TUBGCP3: variants seen among roughly 807,000 people sequenced by gnomAD.
TUBGCP3 encodes the protein tubulin gamma complex component 3, also known as gamma-tubulin complex component 3.
Under a neutral mutation model 123.1 loss-of-function variants are expected in TUBGCP3, and 50 were observed. The ratio of observed to expected loss-of-function variants is 0.41; its 90% confidence interval spans 0.32 to 0.51. The LOEUF (loss-of-function observed/expected upper bound fraction) is 0.51, where lower values mean the gene tolerates loss of function less well. TUBGCP3 is among the 20% of genes least tolerant of loss of function. The pLI, the probability that TUBGCP3 is intolerant of heterozygous loss-of-function variation, is 0.36. For missense variants in TUBGCP3, 882 were observed against 1,127.0 expected (o/e 0.78, Z 3.11); for synonymous variants, 405 against 413.9 (o/e 0.98, Z 0.26).
chr13:112,591,625 T>C (rs535729555), upstream of TUBGCP3, among the ~76,000 whole-genome samples: 1 of 151,564 alleles, frequency 6.6e-6, no homozygotes, highest in East Asian at 1.9e-4. Flanking sequence ...GCAGCTCCTC[T>C]TCAAGGACAA....
the TUBGCP3 span, among the ~76,000 whole-genome samples, chr13:112,597,186 GC>G: frequency 6.6e-6 from 1 of 152,204 alleles, no homozygotes; most frequent in Non-Finnish European, 1.5e-5. Context: ...TGACTAATGG[GC>G]TCTTAAGGTT....
intron 1 of TUBGCP3, among the ~76,000 whole-genome samples, chr13:112,585,786 A>C (rs868624627): frequency 1.3e-5 from 2 of 151,846 alleles, no homozygotes; most frequent in African/African-American, 4.8e-5. Flanking sequence ...AAATAAATAA[A>C]TTATTTATTC....
intron 1 of TUBGCP3, among the ~76,000 whole-genome samples, chr13:112,571,402 A>G (rs1881377367): frequency 6.6e-6 from 1 of 152,248 alleles, no homozygotes; most frequent in Non-Finnish European, 1.5e-5. Context: ...TCTGAGCAGC[A>G]GACCTTAATA....
chr13:112,575,271 T>G (rs1881720719), intron 1 of TUBGCP3, among the ~76,000 whole-genome samples: 1 of 152,140 alleles, frequency 6.6e-6, no homozygotes, highest in South Asian at 2.1e-4. Flanking sequence ...AAGAAAGATA[T>G]TCCATGAAAA....
chr13:112,590,637 G>A (rs1457524204), upstream of TUBGCP3, among the ~76,000 whole-genome samples: 1 of 152,134 alleles, frequency 6.6e-6, no homozygotes, highest in African/African-American at 2.4e-5. Flanking sequence ...AAATTATTCC[G>A]ATTTGGGGAG....
At chr13:112,560,717 G>A (rs978093144) in intron 3 of TUBGCP3, among the ~76,000 whole-genome samples, 4 of 152,138 alleles carry the variant, frequency 2.6e-5, no homozygotes, top group Admixed American at 2.6e-4. Flanking sequence ...TCTTTTAAAA[G>A]TAAGCTCATC....
chr13:112,492,761 TG>T (rs760921906), intron 20 of TUBGCP3, among the ~76,000 whole-genome samples: 12 of 150,546 alleles, frequency 8.0e-5, no homozygotes, highest in Non-Finnish European at 1.2e-4. Context: ...GAACATGGCC[TG>T]GTGTCCCTGA....
intron 1 of TUBGCP3, among the ~76,000 whole-genome samples, chr13:112,581,349 T>G (rs1326064019): frequency 6.6e-6 from 1 of 152,210 alleles, no homozygotes; most frequent in Admixed American, 6.5e-5. Flanking sequence ...TCTCCTTATA[T>G]TTTTCCACTT....
In TUBGCP3 at chr13:112,485,699, G is replaced by T; in HGVS notation, c.*294C>A. ...AGTGACAAATATAAATTATAACATA[G>T]AAAGCTTAAGAAGCCTCAGCAAATT... On this transcript the variant is annotated 3_prime_UTR_variant, in exon 22 of 22. Coordinates refer to ENST00000261965, the MANE Select transcript of TUBGCP3 (RefSeq NM_006322.6). The T allele has an allele frequency of 2.9e-6, 1 of 341,774 alleles. No homozygotes were observed. The highest frequency in any genetic ancestry group is 5.2e-6 in the Non-Finnish European group (1 of 190,974). 21.2% of individuals were successfully genotyped at this position (341,774 alleles called of 1,614,324 possible).
At chr13:112,493,020 G>C (rs1233562995) in intron 20 of TUBGCP3, among the ~76,000 whole-genome samples, 2 of 136,122 alleles carry the variant, frequency 1.5e-5, no homozygotes, top group Non-Finnish European at 3.1e-5. Flanking sequence ...CTATGGGAAC[G>C]GGGCCTGGTG....
chr13:112,589,055 G>A (rs1358370736), upstream of TUBGCP3, among the ~76,000 whole-genome samples: 3 of 152,238 alleles, frequency 2.0e-5, no homozygotes, highest in African/African-American at 7.2e-5. Flanking sequence ...CTAAAGGACT[G>A]TCTCCTTGCA....
intron 1 of TUBGCP3, chr13:112,584,224 T>C (rs572410277): frequency 6.6e-6 from 1 of 152,330 alleles, no homozygotes; most frequent in African/African-American, 2.4e-5. Context: ...TCAGGGCTTC[T>C]TTACACTATT....
Position 112,504,117 on chromosome 13 carries a change from G to A in TUBGCP3, c.2222C>T (p.Ala741Val), listed in dbSNP as rs1050351973. ...WDELWNKVQQ[A>V]QDLDHIIAAH... Reference sequence around the variant, plus strand: ...AGCAATGATGTGATCCAAATCCTGGGCCTGCTGGACTTTGTTCCAAAGCTC... The same window carrying A: ...AGCAATGATGTGATCCAAATCCTGGACCTGCTGGACTTTGTTCCAAAGCTC... The change falls in exon 19 of 22, where the codon GCC (alanine) becomes GTC (valine). Residue 741 changes from alanine to valine, a missense_variant. Ala to Val is a moderately conservative substitution (Grantham distance 64). Transcript: ENST00000261965. 4 of 1,614,008 alleles carry A rather than the reference G, an allele frequency of 2.5e-6. No individual in the cohort carries two copies. The highest frequency in any genetic ancestry group is 3.4e-6 in the Non-Finnish European group (4 of 1,180,032).
chr13:112,522,274 A>C lies in TUBGCP3; in HGVS notation c.1745+46T>G, dbSNP rs778849729. ...TCTTTTAAATACAAGATTCCTTATC[A>C]TGTCAAATATATTACTTATTTATAG... On this transcript the variant is annotated intron_variant, in intron 14 of 21. Transcript: ENST00000261965. 4.4e-6 allele frequency: 6 copies of C among 1,354,062 alleles called. No individual in the cohort carries two copies. The East Asian group carries it at 1.4e-4, about 33-fold the overall frequency. The allele number at this position is 1,354,062 out of a possible 1,614,324, so 83.9% of individuals were successfully genotyped here.
chr13:112,547,564 G>A (rs41288618), intron 10 of TUBGCP3, 56 bp downstream of exon 10: 49,156 of 1,349,350 alleles, frequency 0.036, 1,062 homozygotes, highest in Non-Finnish European at 0.041. Context: ...TGGGAAAGTC[G>A]CGCGTGGGAA....
chr13:112,556,356 C>A (rs1880041919), intron 5 of TUBGCP3, 132 bp from the exon 6 acceptor site: 2 of 882,316 alleles, frequency 2.3e-6, no homozygotes, highest in Admixed American at 2.7e-5. Context: ...GATACCATGA[C>A]TTTACCCTAA....
At chr13:112,515,397 CA>C (rs1236419211) in intron 17 of TUBGCP3, among the ~76,000 whole-genome samples, 5 of 152,152 alleles carry the variant, frequency 3.3e-5, no homozygotes, top group Admixed American at 2.0e-4. Flanking sequence ...CATAAGAACA[CA>C]GGGGGAAGGA....
At chr13:112,496,899 T>C (rs1346582369) in intron 20 of TUBGCP3, among the ~76,000 whole-genome samples, 1 of 149,464 alleles carries the variant, frequency 6.7e-6, no homozygotes, top group Non-Finnish European at 1.5e-5. Context: ...GGCAGGAGAA[T>C]GGCGTGAACC....
intron 20 of TUBGCP3, 21 bp from the exon 21 acceptor site, chr13:112,489,718 A>C (rs1248401238): frequency 1.3e-6 from 2 of 1,587,958 alleles, no homozygotes; most frequent in Non-Finnish European, 1.7e-6. Context: ...AAAAGTACCA[A>C]ATGTCAGTAA....
Sources: allele counts gnomAD v4.1 joint callset (sites outside exome capture counted in the v4.1 genomes callset), GRCh38; gene constraint gnomAD v4.1.1; transcripts MANE v1.5; gene names NCBI Gene and HGNC (gene_info 2026-07-23, HGNC 2026-07-21).